The following EXOC4 variants were observed in gnomAD, a reference collection of about 807,000 sequenced individuals.
The protein encoded by EXOC4 is SEC8-like 1.
In EXOC4, 71 loss-of-function variants were observed where a neutral mutation model predicts 107.2. That is an observed-to-expected ratio of 0.66 (90% CI 0.55 to 0.81). The LOEUF is 0.81. EXOC4 is among the 30% of genes least tolerant of loss of function. EXOC4 has a pLI of 0.00. For missense variants in EXOC4, 1,108 were observed against 1,189.6 expected, an observed-to-expected ratio of 0.93 and a Z score of 1.01; for synonymous variants, 456 against 441.2, an observed-to-expected ratio of 1.03 and a Z score of -0.42.
chr7:133,702,553 T>C (rs1289511115), intron 10 of EXOC4, among the ~76,000 whole-genome samples: 4 of 151,000 alleles, frequency 2.6e-5, no homozygotes, highest in Admixed American at 2.6e-4. Context: ...CTAAAACTCC[T>C]GGGTTCAGAT....
chr7:134,088,611 G>A, the EXOC4 span, among the ~76,000 whole-genome samples: 1 of 152,136 alleles, frequency 6.6e-6, no homozygotes, highest in East Asian at 1.9e-4. Context: ...AGTTCTGAAA[G>A]TTGTTTCGTC....
chr7:133,745,922 A>G (rs991581978), intron 10 of EXOC4, among the ~76,000 whole-genome samples: 2 of 152,072 alleles, frequency 1.3e-5, no homozygotes, highest in South Asian at 2.1e-4. Context: ...TGTTAAGTGA[A>G]TATGTTTACC....
intron 14 of EXOC4, among the ~76,000 whole-genome samples, chr7:133,971,806 T>C (rs1801245935): frequency 6.6e-6 from 1 of 152,204 alleles, no homozygotes; most frequent in South Asian, 2.1e-4. Context: ...TTATCACCAG[T>C]GGCAGTCTGC....
At chr7:133,905,884 C>T (rs765959095) in intron 12 of EXOC4, among the ~76,000 whole-genome samples, 4 of 152,048 alleles carry the variant, frequency 2.6e-5, no homozygotes, top group African/African-American at 4.8e-5. Context: ...AGAGCTGGCA[C>T]GGGGCTAGGC....
chr7:133,789,435 G>T (rs999825397), intron 10 of EXOC4, among the ~76,000 whole-genome samples: 1 of 152,160 alleles, frequency 6.6e-6, no homozygotes, highest in African/African-American at 2.4e-5. Flanking sequence ...TCGATGACTT[G>T]TGCAGTTGTT....
chr7:133,760,415 T>G (rs1796009513), intron 10 of EXOC4, among the ~76,000 whole-genome samples: 1 of 152,116 alleles, frequency 6.6e-6, no homozygotes, highest in African/African-American at 2.4e-5. Flanking sequence ...GAATGTCAAT[T>G]CTTAGAGTAG....
At chr7:133,509,453 AGGTAGTTG>A (rs1799726525) in intron 9 of EXOC4, among the ~76,000 whole-genome samples, 2 of 151,454 alleles carry the variant, frequency 1.3e-5, no homozygotes, top group Admixed American at 1.3e-4. Context: ...ATATAAGCAG[AGGTAGTTG>A]GGTAGGGCTT....
Position 133,716,129 on chromosome 7 carries a change from T to C in EXOC4, c.1514+85988T>C, listed in dbSNP as rs190035210. On this transcript the variant is annotated intron_variant, in intron 10 of 17. Coordinates refer to ENST00000253861, the MANE Select transcript of EXOC4 (RefSeq NM_021807.4). ...ACACTACATTCAAAAAGGTTTATTC[T>C]AGCATGATACTTAAGTATTCTTTTT... is the stretch of plus-strand genomic sequence containing the variant. 2.4e-3 allele frequency among the ~76,000 whole-genome samples: 359 copies of C among 152,354 alleles called. 1 individual carries two copies. Among genetic ancestry groups the C allele is most frequent in the Non-Finnish European group, 3.7e-3 (255 of 68,038 alleles).
At chr7:133,769,580 C>A (rs1895024) in intron 10 of EXOC4, among the ~76,000 whole-genome samples, 13,887 of 151,432 alleles carry the variant, frequency 0.092, 718 homozygotes, top group African/African-American at 0.13. Context: ...TCTTATTATT[C>A]TTTTTATTAA....
At chr7:133,538,405 T>C (rs1423616436) in intron 9 of EXOC4, among the ~76,000 whole-genome samples, 1 of 152,230 alleles carries the variant, frequency 6.6e-6, no homozygotes, top group Non-Finnish European at 1.5e-5. Flanking sequence ...TAAAATATTT[T>C]ACTCTTAGAC....
At position 133,253,361 on chromosome 7, in the gene EXOC4, C is replaced by A. The variant is rs1562989006; in HGVS notation, c.86+174C>A. ...AGGGCCCCAGCAATTCCCCCTCCAC[C>A]TTTTTTTTCTGGGGTTAGCTATAGA... On this transcript the variant is annotated intron_variant, in intron 1 of 17. Coordinates refer to ENST00000253861, the MANE Select transcript of EXOC4 (RefSeq NM_021807.4). The A allele has an allele frequency of 1.1e-5, 15 of 1,398,832 alleles. No homozygotes were observed. The East Asian group carries it at 3.8e-4, about 35-fold the overall frequency. The allele number at this position is 1,398,832 out of a possible 1,614,324, so 86.7% of individuals were successfully genotyped here.
chr7:133,694,103 C>T (rs1585083570), intron 10 of EXOC4, among the ~76,000 whole-genome samples: 1 of 151,642 alleles, frequency 6.6e-6, no homozygotes, highest in South Asian at 2.1e-4. Flanking sequence ...GTCTCTACTA[C>T]AAATACAAAA....
chr7:133,705,329 T>G (rs1285215917), intron 10 of EXOC4, among the ~76,000 whole-genome samples: 1 of 152,192 alleles, frequency 6.6e-6, no homozygotes, highest in East Asian at 1.9e-4. Context: ...ATCATGCTGC[T>G]GCACTCCAGC....
At chr7:133,619,737 T>A (rs1475511814) in intron 9 of EXOC4, among the ~76,000 whole-genome samples, 2 of 152,140 alleles carry the variant, frequency 1.3e-5, no homozygotes, top group East Asian at 3.9e-4. Context: ...CTGTTTTAAT[T>A]GTGAGGGATA....
At chr7:134,097,872 G>T in the EXOC4 span, among the ~76,000 whole-genome samples, 1 of 152,132 alleles carries the variant, frequency 6.6e-6, no homozygotes, top group Admixed American at 6.5e-5. Flanking sequence ...AGTCATAAAT[G>T]GTCCTGGAAA....
intron 10 of EXOC4, 135 bp downstream of exon 10, chr7:133,630,276 ATTAAAG>A (rs1417678212): frequency 1.6e-6 from 1 of 633,364 alleles, no homozygotes; most frequent in African/African-American, 1.8e-5. Flanking sequence ...GGGCCTCACT[ATTAAAG>A]TTAGTCAGTT....
chr7:134,002,057 G>A lies in EXOC4; in HGVS notation c.2349-2855G>A, dbSNP rs554201975. Among the ~76,000 whole-genome samples, 58 of 152,308 alleles carry A rather than the reference G, an allele frequency of 3.8e-4. No homozygotes were observed. The Middle Eastern group carries it at 0.014, about 36-fold the overall frequency. On this transcript the variant is annotated intron_variant, in intron 15 of 17. Coordinates refer to ENST00000253861, the MANE Select transcript of EXOC4 (RefSeq NM_021807.4). Reference sequence around the variant, plus strand: ...TGCTAGTCATGAATCCCATTCCAGAGTTGGTCAACTTTCATTCTGTCAGAA... The same window carrying A: ...TGCTAGTCATGAATCCCATTCCAGAATTGGTCAACTTTCATTCTGTCAGAA...
chr7:133,638,323 G>T (rs1165443915), intron 10 of EXOC4, among the ~76,000 whole-genome samples: 1 of 152,128 alleles, frequency 6.6e-6, no homozygotes, highest in East Asian at 1.9e-4. Context: ...GCAGTTAACT[G>T]GTTGTTGAAT....
chr7:133,667,197 G>T (rs1793838099), intron 10 of EXOC4, among the ~76,000 whole-genome samples: 1 of 152,194 alleles, frequency 6.6e-6, no homozygotes, highest in African/African-American at 2.4e-5. Flanking sequence ...ATCGAGGAGA[G>T]TGTGGCTTTA....
Sources: allele counts gnomAD v4.1 joint callset (sites outside exome capture counted in the v4.1 genomes callset), GRCh38; gene constraint gnomAD v4.1.1; transcripts MANE v1.5; gene names NCBI Gene and HGNC (gene_info 2026-07-23, HGNC 2026-07-21).